Variants in HEATR4 observed in about 807,000 individuals in gnomAD.
The protein encoded by HEATR4 is HEAT repeat-containing protein 4.
Under a neutral mutation model 108.8 loss-of-function variants are expected in HEATR4, and 95 were observed. The observed-to-expected ratio is 0.87, with a 90% CI of 0.74 to 1.04. HEATR4 has a LOEUF of 1.04. Among genes scored for constraint, HEATR4 ranks in the 50% least tolerant of loss-of-function variants. The pLI, the probability that HEATR4 is intolerant of heterozygous loss-of-function variation, is 0.00. For missense variants in HEATR4, 1,152 were observed against 1,253.8 expected, an observed-to-expected ratio of 0.92 and a Z score of 1.23; for synonymous variants, 443 against 459.4, an observed-to-expected ratio of 0.96 and a Z score of 0.46.
chr14:73,592,746 G>T, the HEATR4 span, among the ~76,000 whole-genome samples: 1 of 152,034 alleles, frequency 6.6e-6, no homozygotes, highest in Non-Finnish European at 1.5e-5. Context: ...CCAGCCACTC[G>T]GGAGGCTGAG....
upstream of HEATR4, among the ~76,000 whole-genome samples, chr14:73,560,245 C>A (rs1354148278): frequency 6.6e-6 from 1 of 152,082 alleles, no homozygotes; most frequent in East Asian, 1.9e-4. Context: ...GGTGGTCCAT[C>A]TCTTGGTTCC....
At chr14:73,508,397 C>T in intron 8 of HEATR4, 103 bp from the exon 9 acceptor site, 1 of 903,126 alleles carries the variant, frequency 1.1e-6, no homozygotes, top group Non-Finnish European at 1.8e-6. Context: ...CCTGATATCT[C>T]ACTTCCTTGT....
At position 73,523,086 on chromosome 14, in the gene HEATR4, G is replaced by A; in HGVS notation, c.67C>T (p.Leu23=). The A allele has an allele frequency of 6.2e-7, 1 of 1,612,384 alleles. No individual in the cohort carries two copies. Among genetic ancestry groups the A allele is most frequent in the Non-Finnish European group, 8.5e-7 (1 of 1,179,962 alleles). ...HCFYQSLPPR[L]GWGMILNYSK... ...TAGTTTAAAATCATGCCCCATCCCA[G>A]TCGTGGGGGCAGTGACTGATAGAAG... The change falls in exon 3 of 18, where the codon CTG becomes TTG. Residue 23 remains leucine (L), a synonymous_variant. Coordinates refer to ENST00000553558, the MANE Select transcript of HEATR4 (RefSeq NM_001220484.1).
intron 17 of HEATR4, among the ~76,000 whole-genome samples, chr14:73,483,062 A>G (rs1453205117): frequency 6.6e-6 from 1 of 152,248 alleles, no homozygotes; most frequent in African/African-American, 2.4e-5. Context: ...CCAAATGTAT[A>G]GAGCAACTTC....
the HEATR4 span, among the ~76,000 whole-genome samples, chr14:73,589,634 C>CA: frequency 2.6e-5 from 4 of 152,178 alleles, no homozygotes; most frequent in Non-Finnish European, 5.9e-5. Context: ...TATATTTCAT[C>CA]AAAAAGCTTT....
At chr14:73,592,533 C>T in the HEATR4 span, 4 of 1,237,776 alleles carry the variant, frequency 3.2e-6, no homozygotes, top group Non-Finnish European at 3.2e-6. Context: ...CTAACATTGA[C>T]TATGTCAGTG....
chr14:73,588,727 GATCA>G, the HEATR4 span, among the ~76,000 whole-genome samples: 2 of 151,986 alleles, frequency 1.3e-5, no homozygotes, highest in Admixed American at 6.6e-5. Context: ...TTAGCCATTG[GATCA>G]ATCAAATGTT....
intron 10 of HEATR4, among the ~76,000 whole-genome samples, chr14:73,505,094 C>T (rs898169278): frequency 1.3e-5 from 2 of 152,076 alleles, no homozygotes; most frequent in Non-Finnish European, 1.5e-5. Context: ...CCATGCCCAG[C>T]TAATTAGAGA....
At chr14:73,496,060 G>T (rs1252193321) in intron 15 of HEATR4, among the ~76,000 whole-genome samples, 3 of 151,768 alleles carry the variant, frequency 2.0e-5, no homozygotes, top group Non-Finnish European at 2.9e-5. Flanking sequence ...AACCCAGGAG[G>T]TGGAGGTTGC....
At chr14:73,623,657 C>G in the HEATR4 span, among the ~76,000 whole-genome samples, 2 of 152,148 alleles carry the variant, frequency 1.3e-5, no homozygotes, top group African/African-American at 4.8e-5. Context: ...GCCTAGGTGA[C>G]AGAGCAAGAT....
chr14:73,495,146 C>T, intron 16 of HEATR4, 82 bp downstream of exon 16: 1 of 1,251,922 alleles, frequency 8.0e-7, no homozygotes, highest in Non-Finnish European at 1.1e-6. Flanking sequence ...CTAAGGCTTG[C>T]TACTAAGTCC....
chr14:73,487,415 AATT>A, intron 17 of HEATR4, among the ~76,000 whole-genome samples: 1 of 152,004 alleles, frequency 6.6e-6, no homozygotes, highest in South Asian at 2.1e-4. Flanking sequence ...AAAATACAAA[AATT>A]AGTTGGGCAT....
chr14:73,621,926 GCTAA>G, the HEATR4 span, among the ~76,000 whole-genome samples: 6 of 151,718 alleles, frequency 4.0e-5, no homozygotes, highest in Non-Finnish European at 7.4e-5. Flanking sequence ...ACCAAACCTG[GCTAA>G]CTTTTTATTT....
the HEATR4 span, among the ~76,000 whole-genome samples, chr14:73,593,383 C>T: frequency 1.2e-4 from 17 of 136,988 alleles, no homozygotes; most frequent in Middle Eastern, 4.4e-3. Flanking sequence ...CTGTTGCCCA[C>T]GCTGGAGTGC....
chr14:73,569,976 C>T, the HEATR4 span: 987 of 1,462,066 alleles, frequency 6.8e-4, 24 homozygotes, highest in South Asian at 0.013. Context: ...GTATGCCCCC[C>T]CGCCGCGCCC....
At chr14:73,619,529 T>G in the HEATR4 span, 1 of 1,614,238 alleles carries the variant, frequency 6.2e-7, no homozygotes, top group Non-Finnish European at 8.5e-7. Flanking sequence ...GTGCCCTTCT[T>G]GTTTATTGTT....
chr14:73,591,087 C>T, the HEATR4 span, among the ~76,000 whole-genome samples: 1 of 152,060 alleles, frequency 6.6e-6, no homozygotes, highest in Admixed American at 6.6e-5. Flanking sequence ...TAAAAATAAA[C>T]ATTTAAAAAT....
the HEATR4 span, chr14:73,595,594 T>A: frequency 6.4e-7 from 1 of 1,567,886 alleles, no homozygotes; most frequent in East Asian, 2.3e-5. Context: ...GGAAGCAAAT[T>A]CTAGCCTTCT....
At chr14:73,611,983 G>A in the HEATR4 span, among the ~76,000 whole-genome samples, 1 of 151,956 alleles carries the variant, frequency 6.6e-6, no homozygotes, top group Non-Finnish European at 1.5e-5. Context: ...TTAGCTCTCA[G>A]TGGTTTTTGT....
Sources: allele counts gnomAD v4.1 joint callset (sites outside exome capture counted in the v4.1 genomes callset), GRCh38; gene constraint gnomAD v4.1.1; transcripts MANE v1.5; gene names NCBI Gene and HGNC (gene_info 2026-07-23, HGNC 2026-07-21).